The following LIMS1 variants were observed in gnomAD, a reference collection of about 807,000 sequenced individuals.
LIMS1 encodes the protein LIM zinc finger domain containing 1, also known as LIM and senescent cell antigen-like-containing domain protein 1.
Under a neutral mutation model 44.1 loss-of-function variants are expected in LIMS1, and 18 were observed. The observed-to-expected ratio is 0.41, with a 90% confidence interval of 0.28 to 0.61. LIMS1 has a LOEUF of 0.61. Among genes scored for constraint, LIMS1 ranks in the 20% least tolerant of loss-of-function variants. LIMS1 has a pLI of 0.32. For synonymous variants in LIMS1, 93 were observed against 149.1 expected (o/e 0.62, Z 2.74); for missense variants, 201 against 422.0 (o/e 0.48, Z 4.59).
At chr2:108,601,818 A>G (rs1183921566) in intron 1 of LIMS1, among the ~76,000 whole-genome samples, 3 of 152,228 alleles carry the variant, frequency 2.0e-5, no homozygotes, top group East Asian at 1.9e-4. Context: ...CACCCAGCCT[A>G]GAATTGTTTA....
chr2:108,616,197 C>CTTTT (rs1159229290), intron 1 of LIMS1, among the ~76,000 whole-genome samples: 23 of 71,940 alleles, frequency 3.2e-4, no homozygotes, highest in Admixed American at 6.0e-4. Flanking sequence ...TTTGCATGGG[C>CTTTT]TTTTTTTTTT....
At chr2:108,638,841 A>G (rs935979685) in intron 1 of LIMS1, among the ~76,000 whole-genome samples, 2 of 152,166 alleles carry the variant, frequency 1.3e-5, no homozygotes, top group African/African-American at 4.8e-5. Flanking sequence ...CAGGAGATCA[A>G]CACCATCCTG....
intron 1 of LIMS1, among the ~76,000 whole-genome samples, chr2:108,629,650 T>C (rs1230836801): frequency 2.0e-5 from 3 of 152,232 alleles, no homozygotes; most frequent in African/African-American, 7.2e-5. Context: ...CTTGGGCCTC[T>C]CTGAAGCCCA....
intron 1 of LIMS1, among the ~76,000 whole-genome samples, chr2:108,644,238 C>T (rs1424621217): frequency 6.6e-6 from 1 of 152,166 alleles, no homozygotes; most frequent in African/African-American, 2.4e-5. Context: ...TAGGGGCCAA[C>T]AGATACCTCA....
At chr2:108,635,060 T>G (rs1689143968) in intron 1 of LIMS1, among the ~76,000 whole-genome samples, 1 of 152,092 alleles carries the variant, frequency 6.6e-6, no homozygotes, top group Non-Finnish European at 1.5e-5. Context: ...GGGTCTACAC[T>G]GGGGTGTGGG....
chr2:108,635,682 A>G (rs969430719), intron 1 of LIMS1, among the ~76,000 whole-genome samples: 1 of 152,138 alleles, frequency 6.6e-6, no homozygotes, highest in Non-Finnish European at 1.5e-5. Context: ...CCTGGGTGAC[A>G]GAGCAAGACT....
chr2:108,621,292 T>C (rs1688221317), intron 1 of LIMS1: 2 of 1,541,288 alleles, frequency 1.3e-6, no homozygotes, highest in Non-Finnish European at 8.8e-7. Flanking sequence ...TGCTTTCCCC[T>C]GGCAGCCACA....
chr2:108,569,420 T>G (rs1487889091), intron 1 of LIMS1, among the ~76,000 whole-genome samples: 1 of 152,222 alleles, frequency 6.6e-6, no homozygotes, highest in East Asian at 1.9e-4. Flanking sequence ...TAGTCCAATG[T>G]CATGCCTTTC....
intron 1 of LIMS1, among the ~76,000 whole-genome samples, chr2:108,657,586 G>A (rs1238985301): frequency 6.6e-6 from 1 of 152,296 alleles, no homozygotes; most frequent in African/African-American, 2.4e-5. Flanking sequence ...CAATCATCTG[G>A]CTTACGGCAA....
intron 1 of LIMS1, among the ~76,000 whole-genome samples, chr2:108,577,175 C>G (rs1245305197): frequency 6.6e-6 from 1 of 152,182 alleles, no homozygotes; most frequent in Non-Finnish European, 1.5e-5. Context: ...ATTGCTGTTG[C>G]CTGAGAAGCT....
intron 2 of LIMS1, among the ~76,000 whole-genome samples, chr2:108,669,724 A>T (rs1280129555): frequency 4.3e-5 from 2 of 46,064 alleles, no homozygotes; most frequent in South Asian, 9.6e-4. Context: ...TTCTCTATTA[A>T]AAAAAAAAAA....
At chr2:108,541,527 G>T (rs1199367019) in intron 1 of LIMS1, among the ~76,000 whole-genome samples, 1 of 152,166 alleles carries the variant, frequency 6.6e-6, no homozygotes. Flanking sequence ...GAACTACTTT[G>T]GTCACATGTT....
At chr2:108,574,046 C>T (rs189503153) in intron 1 of LIMS1, among the ~76,000 whole-genome samples, 2 of 151,938 alleles carry the variant, frequency 1.3e-5, no homozygotes, top group African/African-American at 4.8e-5. Context: ...CCCTCCCCCC[C>T]ACCAAAAAAA....
At chr2:108,679,896 C>A (rs1186188235) in intron 8 of LIMS1, among the ~76,000 whole-genome samples, 2 of 151,300 alleles carry the variant, frequency 1.3e-5, no homozygotes, top group Non-Finnish European at 2.9e-5. Context: ...AGAGCGAGAC[C>A]CTGTCTGAAA....
intron 1 of LIMS1, among the ~76,000 whole-genome samples, chr2:108,552,488 G>C (rs952950392): frequency 2.6e-4 from 38 of 144,490 alleles, no homozygotes; most frequent in African/African-American, 8.6e-4. Flanking sequence ...ATACATTACA[G>C]TTACATATAA....
chr2:108,571,426 G>A (rs958461659), intron 1 of LIMS1, among the ~76,000 whole-genome samples: 9 of 152,222 alleles, frequency 5.9e-5, no homozygotes, highest in African/African-American at 1.9e-4. Flanking sequence ...GATCGTGGAT[G>A]TTTTGAGCCA....
intron 9 of LIMS1, chr2:108,681,369 C>T: frequency 1.0e-6 from 1 of 984,268 alleles, no homozygotes; most frequent in Non-Finnish European, 1.2e-6. Context: ...ATGTATTTCA[C>T]TTACTCTGTA....
chr2:108,654,490 C>T (rs1215243782), intron 1 of LIMS1, among the ~76,000 whole-genome samples: 1 of 152,014 alleles, frequency 6.6e-6, no homozygotes, highest in African/African-American at 2.4e-5. Flanking sequence ...TTTAGGGGCT[C>T]ATGGCCTCCT....
At chr2:108,657,593 G>A (rs1464712467) in intron 1 of LIMS1, among the ~76,000 whole-genome samples, 1 of 152,296 alleles carries the variant, frequency 6.6e-6, no homozygotes, top group African/African-American at 2.4e-5. Flanking sequence ...CTGGCTTACG[G>A]CAAAGCTGGG....
Sources: allele counts gnomAD v4.1 joint callset (sites outside exome capture counted in the v4.1 genomes callset), GRCh38; gene constraint gnomAD v4.1.1; transcripts MANE v1.5; gene names NCBI Gene and HGNC (gene_info 2026-07-23, HGNC 2026-07-21).